ROBO1: variants seen among roughly 807,000 people sequenced by gnomAD.
ROBO1 encodes roundabout homolog 1.
In ROBO1, 149 loss-of-function variants were observed where a neutral mutation model predicts 195.9. The observed-to-expected ratio is 0.76, with a 90% CI of 0.67 to 0.87. ROBO1 has a LOEUF of 0.87. Ranked by LOEUF, ROBO1 falls within the 40% of genes least tolerant of loss-of-function variation. The pLI is 0.00. For synonymous variants in ROBO1, 816 were observed against 733.2 expected, an observed-to-expected ratio of 1.11 and a Z score of -1.82; for missense variants, 1,933 against 2,068.3, an observed-to-expected ratio of 0.93 and a Z score of 1.27.
At chr3:79,558,091 A>T (rs954716287) in intron 2 of ROBO1, among the ~76,000 whole-genome samples, 3 of 152,186 alleles carry the variant, frequency 2.0e-5, no homozygotes, top group Admixed American at 6.5e-5. Flanking sequence ...AATTCATTCT[A>T]GTACAGTTGA....
intron 2 of ROBO1, among the ~76,000 whole-genome samples, chr3:79,576,686 T>C (rs1022958204): frequency 1.3e-5 from 2 of 152,116 alleles, no homozygotes; most frequent in African/African-American, 4.8e-5. Context: ...TGGATGATCA[T>C]ATACACACTT....
chr3:79,180,578 T>C (rs960162381), intron 2 of ROBO1, among the ~76,000 whole-genome samples: 2 of 152,218 alleles, frequency 1.3e-5, no homozygotes, highest in Non-Finnish European at 2.9e-5. Context: ...CTTAATGACA[T>C]TGACCTTGGG....
At chr3:79,148,099 T>C (rs1215199716) in intron 2 of ROBO1, among the ~76,000 whole-genome samples, 1 of 151,862 alleles carries the variant, frequency 6.6e-6, no homozygotes, top group African/African-American at 2.4e-5. Flanking sequence ...TGTTCATTTA[T>C]GTAGGCCGCA....
chr3:78,840,265 T>C (rs2033088711), intron 4 of ROBO1, among the ~76,000 whole-genome samples: 1 of 152,164 alleles, frequency 6.6e-6, no homozygotes, highest in African/African-American at 2.4e-5. Flanking sequence ...TTTGGTAATA[T>C]CTGAAAGTGA....
chr3:78,868,655 A>G (rs1380752513), intron 4 of ROBO1, among the ~76,000 whole-genome samples: 1 of 152,190 alleles, frequency 6.6e-6, no homozygotes, highest in Non-Finnish European at 1.5e-5. Flanking sequence ...ATTTCAGGAT[A>G]AAATAAACAC....
chr3:78,905,009 T>C (rs1313750604), intron 4 of ROBO1, among the ~76,000 whole-genome samples: 1 of 134,818 alleles, frequency 7.4e-6, no homozygotes, highest in Non-Finnish European at 1.5e-5. Context: ...ATAACACCAA[T>C]AATAAAGTCA....
At chr3:79,695,936 GTT>G (rs35294954) in intron 1 of ROBO1, among the ~76,000 whole-genome samples, 25 of 150,802 alleles carry the variant, frequency 1.7e-4, no homozygotes, top group Non-Finnish European at 2.7e-4. Flanking sequence ...ACAGTTATAG[GTT>G]TTTTTTCCCC....
intron 2 of ROBO1, among the ~76,000 whole-genome samples, chr3:79,261,919 G>T (rs2108942952): frequency 6.6e-6 from 1 of 152,112 alleles, no homozygotes; most frequent in South Asian, 2.1e-4. Context: ...AGAAATTAGT[G>T]CTATGGCTTA....
chr3:79,397,467 T>C (rs1464915768), intron 2 of ROBO1, among the ~76,000 whole-genome samples: 3 of 152,226 alleles, frequency 2.0e-5, no homozygotes, highest in East Asian at 3.9e-4. Flanking sequence ...CTAAAAAGAA[T>C]CAGCACACTG....
chr3:78,643,021 CATTT>C (rs1188175910), intron 21 of ROBO1, among the ~76,000 whole-genome samples: 6 of 152,056 alleles, frequency 3.9e-5, no homozygotes, highest in Admixed American at 3.3e-4. Context: ...TGATTTATCG[CATTT>C]ATTTATGTAA....
At chr3:79,019,106 G>A in intron 3 of ROBO1, 1 of 987,372 alleles carries the variant, frequency 1.0e-6, no homozygotes, top group South Asian at 4.7e-5. Context: ...CCCATCACTT[G>A]GGGGATGCGG....
At chr3:79,083,626 G>C (rs924749138) in intron 3 of ROBO1, among the ~76,000 whole-genome samples, 2 of 152,124 alleles carry the variant, frequency 1.3e-5, no homozygotes, top group Non-Finnish European at 2.9e-5. Flanking sequence ...ACTGGGAAAT[G>C]GTAGGAAACT....
At chr3:79,098,794 A>T (rs1178373964) in intron 3 of ROBO1, among the ~76,000 whole-genome samples, 4 of 151,696 alleles carry the variant, frequency 2.6e-5, no homozygotes, top group South Asian at 2.1e-4. Flanking sequence ...TAACTAATTA[A>T]TTTTTTCAGA....
chr3:78,955,736 T>C (rs1432456956), intron 3 of ROBO1, among the ~76,000 whole-genome samples: 1 of 152,182 alleles, frequency 6.6e-6, no homozygotes, highest in Non-Finnish European at 1.5e-5. Flanking sequence ...CAAGATAGCA[T>C]ATGGGATTGC....
At chr3:79,250,920 T>C (rs1238435955) in intron 2 of ROBO1, among the ~76,000 whole-genome samples, 2 of 152,090 alleles carry the variant, frequency 1.3e-5, no homozygotes, top group Non-Finnish European at 2.9e-5. Context: ...TCAGCTGTGG[T>C]GGCTCAAGCC....
At chr3:79,735,989 T>C (rs1266096239) in intron 1 of ROBO1, among the ~76,000 whole-genome samples, 1 of 152,154 alleles carries the variant, frequency 6.6e-6, no homozygotes, top group Non-Finnish European at 1.5e-5. Flanking sequence ...CAATAAGAAG[T>C]TAAAAAAGAA....
At chr3:79,256,932 A>T (rs2082844978) in intron 2 of ROBO1, among the ~76,000 whole-genome samples, 1 of 152,188 alleles carries the variant, frequency 6.6e-6, no homozygotes, top group South Asian at 2.1e-4. Flanking sequence ...TTTAGATTTT[A>T]ACTTGTAGTT....
chr3:79,549,281 A>T (rs1267585420), intron 2 of ROBO1, among the ~76,000 whole-genome samples: 2 of 152,240 alleles, frequency 1.3e-5, no homozygotes, highest in Non-Finnish European at 2.9e-5. Flanking sequence ...AGCTTATGAT[A>T]TATAATGTGA....
chr3:79,621,998 C>A (rs190410768), intron 1 of ROBO1, among the ~76,000 whole-genome samples: 6 of 152,190 alleles, frequency 3.9e-5, no homozygotes, highest in Admixed American at 3.3e-4. Flanking sequence ...TCTTCACCAG[C>A]AACAAAGGTA....
Sources: gnomAD v4.1 joint callset for allele counts (sites outside exome capture counted in the v4.1 genomes callset) on GRCh38, gnomAD v4.1.1 for gene constraint, MANE v1.5 for transcripts, NCBI Gene and HGNC (gene_info 2026-07-23, HGNC 2026-07-21) for gene names.